The following USP32 variants were observed in gnomAD, a reference collection of about 807,000 sequenced individuals.
USP32 encodes ubiquitin carboxyl-terminal hydrolase 32.
In USP32, 59 loss-of-function variants were observed where a neutral mutation model predicts 204.8. That is an observed-to-expected ratio of 0.29 (90% CI 0.23 to 0.36). The LOEUF (loss-of-function observed/expected upper bound fraction) is 0.36. Among genes scored for constraint, USP32 ranks in the 10% least tolerant of loss-of-function variants. The probability of loss-of-function intolerance (pLI) is 1.00; values close to 1 mark genes in which losing one functional copy is unlikely to be tolerated. For synonymous variants in USP32, 517 were observed against 678.4 expected (o/e 0.76, Z 3.70); for missense variants, 1,160 against 1,946.4 (o/e 0.60, Z 7.60).
intron 5 of USP32, among the ~76,000 whole-genome samples, chr17:60,281,463 G>A (rs966147027): frequency 2.6e-5 from 4 of 151,948 alleles, no homozygotes; most frequent in Admixed American, 1.3e-4. Flanking sequence ...GCTGGAACTC[G>A]GAGGATGGAG....
At chr17:60,420,528 G>A (rs2090102561) in intron 1 of USP32, among the ~76,000 whole-genome samples, 1 of 152,054 alleles carries the variant, frequency 6.6e-6, no homozygotes, top group Admixed American at 6.6e-5. Flanking sequence ...TTAGCCAGAC[G>A]CGGTGGCACA....
chr17:60,255,137 C>A, intron 10 of USP32, 38 bp downstream of exon 10: 3 of 1,484,006 alleles, frequency 2.0e-6, no homozygotes, highest in Non-Finnish European at 2.8e-6. Context: ...AGTACTGGTA[C>A]TACTACCCTC....
rs1057229176 is a variant in USP32, at chr17:60,269,387, T to C, written c.811+63A>G. 43 of 1,226,574 alleles carry C rather than the reference T, an allele frequency of 3.5e-5. No homozygotes were observed. The South Asian group carries it at 4.8e-4, about 14-fold the overall frequency. 76.0% of individuals were successfully genotyped at this position (1,226,574 alleles called of 1,614,324 possible). On this transcript the variant is annotated intron_variant, in intron 7 of 33. Coordinates refer to ENST00000300896, the MANE Select transcript of USP32 (RefSeq NM_032582.4). ...CCTTAATCCACAGATAATTTTACATTGATGAAAACTGATTTTCTCTCTACA... is the reference window on the plus strand; with the variant it reads ...CCTTAATCCACAGATAATTTTACATCGATGAAAACTGATTTTCTCTCTACA...
At chr17:60,345,382 G>T in intron 2 of USP32, 99 bp downstream of exon 2, 1 of 1,500,394 alleles carries the variant, frequency 6.7e-7, no homozygotes, top group Non-Finnish European at 9.0e-7. Context: ...AATAACTACA[G>T]GTAAGATTAA....
At chr17:60,241,637 A>T (rs1039145742) in intron 11 of USP32, among the ~76,000 whole-genome samples, 1 of 152,156 alleles carries the variant, frequency 6.6e-6, no homozygotes, top group Non-Finnish European at 1.5e-5. Flanking sequence ...GCCTTCTCTG[A>T]GGAAGCAGAA....
chr17:60,193,250 A>G (rs1170511771), intron 27 of USP32, among the ~76,000 whole-genome samples: 1 of 152,244 alleles, frequency 6.6e-6, no homozygotes, highest in Non-Finnish European at 1.5e-5. Context: ...TTCAGCCTTA[A>G]TTCTATCAGA....
chr17:60,200,187 T>A (rs2084639328), intron 26 of USP32, among the ~76,000 whole-genome samples: 1 of 151,014 alleles, frequency 6.6e-6, no homozygotes, highest in East Asian at 1.9e-4. Context: ...ACAGCAAGAC[T>A]CTGTCTCAAC....
Position 60,205,489 on chromosome 17 carries a change from G to A in USP32, c.3207C>T (p.Asp1069=). The change falls in exon 26 of 34, where the codon GAC becomes GAT. Residue 1069 remains aspartate (D), a synonymous_variant. Transcript: ENST00000300896. ...CAATGATGTAACCTGTAAAGGGGCT[G>A]TCAGGAAGAGATGGCATGTGACCAT... ...MVNGHMPSLP[D]SPFTGYIIAV... The A allele has an allele frequency of 6.2e-7, 1 of 1,613,628 alleles. No homozygotes were observed. The highest frequency in any genetic ancestry group is 1.1e-5 in the South Asian group (1 of 91,066).
intron 5 of USP32, among the ~76,000 whole-genome samples, chr17:60,275,851 A>G (rs563662819): frequency 8.6e-5 from 13 of 151,874 alleles, no homozygotes; most frequent in African/African-American, 3.1e-4. Flanking sequence ...AGCTGGGATT[A>G]CAGGCACCTG....
chr17:60,187,074 A>T (rs2084269714), intron 29 of USP32, among the ~76,000 whole-genome samples: 1 of 152,136 alleles, frequency 6.6e-6, no homozygotes, highest in South Asian at 2.1e-4. Flanking sequence ...CCAGAGGTGA[A>T]CTTCCTCCAT....
At chr17:60,224,660 G>A (rs1294822945) in intron 13 of USP32, among the ~76,000 whole-genome samples, 1 of 152,192 alleles carries the variant, frequency 6.6e-6, no homozygotes, top group African/African-American at 2.4e-5. Context: ...GTGTACACCT[G>A]TAGTCCCAGC....
At chr17:60,190,142 C>T (rs538236216) in intron 29 of USP32, among the ~76,000 whole-genome samples, 4 of 152,220 alleles carry the variant, frequency 2.6e-5, no homozygotes, top group South Asian at 4.1e-4. Context: ...TGTTAGAAAG[C>T]GAGGATCTTC....
intron 3 of USP32, among the ~76,000 whole-genome samples, chr17:60,300,510 A>G (rs2087546964): frequency 6.6e-6 from 1 of 152,186 alleles, no homozygotes; most frequent in Admixed American, 6.5e-5. Context: ...CTCTGCTTAG[A>G]TAATTCACCT....
rs1158909874 is a variant in USP32, at chr17:60,177,586, C to A, written c.*1669G>T. On this transcript the variant is annotated 3_prime_UTR_variant, in exon 34 of 34. Coordinates refer to ENST00000300896, the MANE Select transcript of USP32 (RefSeq NM_032582.4). ...TGTAAAGAAATTATTTAAAATCTTCCACTTTTTAATGGGAATGGACAGATT... is the reference window on the plus strand; with the variant it reads ...TGTAAAGAAATTATTTAAAATCTTCAACTTTTTAATGGGAATGGACAGATT... 2.0e-5 allele frequency among the ~76,000 whole-genome samples: 3 copies of A among 152,262 alleles called. No individual in the cohort carries two copies. The South Asian group carries it at 6.2e-4, about 32-fold the overall frequency.
chr17:60,202,686 AT>A, intron 26 of USP32, among the ~76,000 whole-genome samples: 1 of 151,366 alleles, frequency 6.6e-6, no homozygotes, highest in Admixed American at 6.6e-5. Context: ...TAGGTACTTA[AT>A]TTTTTCTCAG....
At position 60,185,457 on chromosome 17, in the gene USP32, T is replaced by C; in HGVS notation, c.3834+3A>G. 6.2e-7 allele frequency: 1 copy of C among 1,602,590 alleles called. No individual in the cohort carries two copies. The highest frequency in any genetic ancestry group is 8.5e-7 in the Non-Finnish European group (1 of 1,172,234). Reference sequence around the variant, plus strand: ...CTCTCTCAGAGGCAGGACTGTAACATACCAGGATGGGTGGAAGCCTCCAGA... The same window carrying C: ...CTCTCTCAGAGGCAGGACTGTAACACACCAGGATGGGTGGAAGCCTCCAGA... On this transcript the variant is annotated splice_donor_region_variant and intron_variant, in intron 30 of 33. Coordinates refer to ENST00000300896, the MANE Select transcript of USP32 (RefSeq NM_032582.4).
chr17:60,367,842 T>C (rs578036272), intron 1 of USP32, among the ~76,000 whole-genome samples: 39 of 152,090 alleles, frequency 2.6e-4, no homozygotes, highest in African/African-American at 8.9e-4. Context: ...GAAAAAATAA[T>C]GGATGGCTAC....
intron 12 of USP32, among the ~76,000 whole-genome samples, chr17:60,231,929 G>T (rs902479693): frequency 1.3e-5 from 2 of 152,120 alleles, no homozygotes; most frequent in Non-Finnish European, 2.9e-5. Flanking sequence ...CAGTGAATCA[G>T]CAAATCTGGG....
chr17:60,269,616 CAT>C, intron 6 of USP32, 59 bp from the exon 7 acceptor site: 1 of 1,391,436 alleles, frequency 7.2e-7, no homozygotes, highest in South Asian at 1.3e-5. Context: ...TTAATAATGA[CAT>C]GTTTACAAAA....
Sources: allele counts gnomAD v4.1 joint callset (sites outside exome capture counted in the v4.1 genomes callset), GRCh38; gene constraint gnomAD v4.1.1; transcripts MANE v1.5; gene names NCBI Gene and HGNC (gene_info 2026-07-23, HGNC 2026-07-21).